Variants in TBC1D5 observed in about 807,000 individuals in gnomAD.
TBC1D5 encodes the protein TBC1 domain family member 5.
Under a neutral mutation model 100.3 loss-of-function variants are expected in TBC1D5, and 75 were observed. The observed-to-expected ratio is 0.75, with a 90% confidence interval of 0.62 to 0.91. TBC1D5 has a LOEUF of 0.91. Among genes scored for constraint, TBC1D5 ranks in the 40% least tolerant of loss-of-function variants. TBC1D5 has a pLI of 0.00. For missense variants in TBC1D5, 910 were observed against 942.4 expected (o/e 0.97, Z 0.45); for synonymous variants, 323 against 325.6 (o/e 0.99, Z 0.09).
chr3:17,309,722 CTAAAT>C (rs1301975603), intron 13 of TBC1D5, among the ~76,000 whole-genome samples: 4 of 151,968 alleles, frequency 2.6e-5, no homozygotes, highest in African/African-American at 4.8e-5. Context: ...AAAAACATCT[CTAAAT>C]TAAATAGGCT....
At chr3:17,674,406 C>A (rs888326833) in intron 1 of TBC1D5, among the ~76,000 whole-genome samples, 3 of 152,134 alleles carry the variant, frequency 2.0e-5, no homozygotes, top group Non-Finnish European at 4.4e-5. Context: ...GATAAATATT[C>A]TCTCAAAGTA....
intron 1 of TBC1D5, among the ~76,000 whole-genome samples, chr3:17,688,503 C>A (rs1410862109): frequency 6.6e-6 from 1 of 152,148 alleles, no homozygotes; most frequent in Non-Finnish European, 1.5e-5. Flanking sequence ...TAGGTTCAGG[C>A]TTCAATTTAT....
Position 17,306,036 on chromosome 3 carries a change from T to G in TBC1D5, c.1138+1956A>C, listed in dbSNP as rs2083360136. Among the ~76,000 whole-genome samples the G allele has an allele frequency of 3.3e-5, 5 of 152,330 alleles. No homozygotes were observed. The South Asian group carries it at 1.0e-3, about 32-fold the overall frequency. On this transcript the variant is annotated intron_variant, in intron 14 of 21. Coordinates refer to ENST00000253692, the Ensembl canonical transcript of TBC1D5. The stretch of plus-strand genomic sequence containing the variant: ...TCTCATAACCTGCGGCTAGTCTCTC[T>G]CCCTTTGTACTCTAATAATACCAAA...
chr3:17,361,876 G>C (rs994089931), intron 13 of TBC1D5, among the ~76,000 whole-genome samples: 1 of 151,956 alleles, frequency 6.6e-6, no homozygotes, highest in Non-Finnish European at 1.5e-5. Context: ...AAAAGGATAA[G>C]AGCTGCAACT....
At chr3:17,355,629 T>G (rs569648559) in intron 13 of TBC1D5, among the ~76,000 whole-genome samples, 4 of 147,182 alleles carry the variant, frequency 2.7e-5, no homozygotes, top group African/African-American at 1.0e-4. Context: ...ATATAGAATG[T>G]GTGACAAGAA....
At chr3:17,315,770 G>A (rs142216089) in intron 13 of TBC1D5, among the ~76,000 whole-genome samples, 22 of 152,290 alleles carry the variant, frequency 1.4e-4, no homozygotes, top group Admixed American at 5.2e-4. Context: ...GTAATAGCAA[G>A]AGAGTTCAGC....
At chr3:17,207,535 T>C (rs142790146) in intron 18 of TBC1D5, among the ~76,000 whole-genome samples, 21 of 152,348 alleles carry the variant, frequency 1.4e-4, no homozygotes, top group African/African-American at 4.1e-4. Flanking sequence ...CAAGGCTTAA[T>C]TGTTACCTCT....
At chr3:17,726,088 TACC>T (rs1256186295) in intron 1 of TBC1D5, among the ~76,000 whole-genome samples, 1 of 152,238 alleles carries the variant, frequency 6.6e-6, no homozygotes, top group Non-Finnish European at 1.5e-5. Context: ...GGTGTGTATG[TACC>T]ACATTTTCTT....
intron 13 of TBC1D5, among the ~76,000 whole-genome samples, chr3:17,339,794 G>A (rs1004316522): frequency 6.6e-6 from 1 of 152,158 alleles, no homozygotes; most frequent in African/African-American, 2.4e-5. Context: ...TTAGTGAGGA[G>A]TTCATTTTAA....
At chr3:17,525,565 C>T (rs545657680) in intron 2 of TBC1D5, among the ~76,000 whole-genome samples, 1 of 152,250 alleles carries the variant, frequency 6.6e-6, no homozygotes, top group South Asian at 2.1e-4. Flanking sequence ...TATTACATTA[C>T]TTTATAAAGC....
At chr3:17,381,406 G>A (rs1415421657) in intron 9 of TBC1D5, among the ~76,000 whole-genome samples, 5 of 151,900 alleles carry the variant, frequency 3.3e-5, no homozygotes, top group Non-Finnish European at 7.4e-5. Flanking sequence ...CTTTTACTAC[G>A]GGGTATTTTC....
At chr3:17,454,951 A>G (rs1158044225) in intron 3 of TBC1D5, among the ~76,000 whole-genome samples, 1 of 152,022 alleles carries the variant, frequency 6.6e-6, no homozygotes. Context: ...AACAACAACA[A>G]AAAAAGGAAA....
At chr3:17,415,054 T>C (rs988391064) in intron 4 of TBC1D5, among the ~76,000 whole-genome samples, 1 of 152,178 alleles carries the variant, frequency 6.6e-6, no homozygotes, top group Non-Finnish European at 1.5e-5. Flanking sequence ...GAACTTTAAA[T>C]TGAGAAACCT....
At chr3:17,482,246 G>A (rs901539981) in intron 3 of TBC1D5, among the ~76,000 whole-genome samples, 3 of 152,024 alleles carry the variant, frequency 2.0e-5, no homozygotes, top group African/African-American at 7.3e-5. Context: ...TTAAGGCATA[G>A]TTTAAAAGAC....
intron 17 of TBC1D5, among the ~76,000 whole-genome samples, chr3:17,223,889 C>A (rs1360670906): frequency 6.7e-6 from 1 of 148,408 alleles, no homozygotes; most frequent in Non-Finnish European, 1.5e-5. Context: ...CAGAGCAAGA[C>A]TCTGTCTCAA....
At chr3:17,208,906 T>C (rs534797716) in intron 18 of TBC1D5, among the ~76,000 whole-genome samples, 4 of 152,344 alleles carry the variant, frequency 2.6e-5, no homozygotes, top group African/African-American at 4.8e-5. Flanking sequence ...ATTATGCCAA[T>C]ACATTCTACT....
At chr3:17,299,253 T>C (rs2082575684) in intron 14 of TBC1D5, among the ~76,000 whole-genome samples, 1 of 152,178 alleles carries the variant, frequency 6.6e-6, no homozygotes, top group Non-Finnish European at 1.5e-5. Context: ...AAGATTCATG[T>C]CCAGGGCAGA....
At chr3:17,353,860 C>T (rs1000450293) in intron 13 of TBC1D5, among the ~76,000 whole-genome samples, 1 of 151,988 alleles carries the variant, frequency 6.6e-6, no homozygotes, top group African/African-American at 2.4e-5. Context: ...CAAGCTCCCC[C>T]AAGAGTAATT....
At chr3:17,626,871 A>T (rs1346270920) in intron 1 of TBC1D5, among the ~76,000 whole-genome samples, 3 of 152,182 alleles carry the variant, frequency 2.0e-5, no homozygotes, top group African/African-American at 7.2e-5. Context: ...ACTAGGACAA[A>T]TTTATGAGAG....
Sources: allele counts gnomAD v4.1 joint callset (sites outside exome capture counted in the v4.1 genomes callset), GRCh38; gene constraint gnomAD v4.1.1; transcripts MANE v1.5; gene names NCBI Gene and HGNC (gene_info 2026-07-23, HGNC 2026-07-21).